MPHOSPH8: variants seen among roughly 807,000 people sequenced by gnomAD.
MPHOSPH8 encodes M-phase phosphoprotein, mpp.
MPHOSPH8 carries 45 observed loss-of-function variants against 87.3 expected under a neutral mutation model. The ratio of observed to expected loss-of-function variants is 0.52; its 90% CI spans 0.41 to 0.66. MPHOSPH8 has a LOEUF of 0.66. MPHOSPH8 is among the 30% of genes least tolerant of loss of function. The probability of loss-of-function intolerance (pLI) is 0.00; values close to 1 mark genes in which losing one functional copy is unlikely to be tolerated. For synonymous variants in MPHOSPH8, 366 were observed against 376.9 expected, an observed-to-expected ratio of 0.97 and a Z score of 0.33; for missense variants, 883 against 1,020.2, an observed-to-expected ratio of 0.87 and a Z score of 1.83.
chr13:19,653,985 C>G (rs572962720), intron 5 of MPHOSPH8, among the ~76,000 whole-genome samples: 1 of 152,280 alleles, frequency 6.6e-6, no homozygotes, highest in African/African-American at 2.4e-5. Flanking sequence ...AAACACTCTT[C>G]AAAGTATTAT....
rs1025219963 is a variant in MPHOSPH8 at position 19,660,810 on chromosome 13, G to A, written c.1792-888G>A. On this transcript the variant is annotated intron_variant, in intron 7 of 13. Coordinates refer to ENST00000361479, the MANE Select transcript of MPHOSPH8 (RefSeq NM_017520.4). ...GTACACATAAGTGTGTGTAACTCCAGTCATTTAATGAAATTCTTATAGTTT... is the reference window on the plus strand; with the variant it reads ...GTACACATAAGTGTGTGTAACTCCAATCATTTAATGAAATTCTTATAGTTT... 12 of 436,794 alleles carry A rather than the reference G, an allele frequency of 2.7e-5. No homozygotes were observed. The Admixed American group carries it at 6.4e-4, about 23-fold the overall frequency. 27.1% of individuals were successfully genotyped at this position (436,794 alleles called of 1,614,324 possible).
intron 10 of MPHOSPH8, among the ~76,000 whole-genome samples, chr13:19,667,489 T>C (rs1361460917): frequency 2.0e-5 from 3 of 152,226 alleles, no homozygotes; most frequent in Non-Finnish European, 4.4e-5. Flanking sequence ...ATAGTTTCAC[T>C]GCCTTAAAAA....
intron 12 of MPHOSPH8, 128 bp downstream of exon 12, chr13:19,670,491 G>T: frequency 8.8e-7 from 1 of 1,133,102 alleles, no homozygotes. Context: ...AATAGTGGTT[G>T]GGAATGAGGC....
intron 1 of MPHOSPH8, among the ~76,000 whole-genome samples, chr13:19,638,654 T>G (rs1192729042): frequency 6.6e-6 from 1 of 152,056 alleles, no homozygotes; most frequent in Non-Finnish European, 1.5e-5. Context: ...TTTTCTGATA[T>G]TTCTTGAGTT....
intron 9 of MPHOSPH8, among the ~76,000 whole-genome samples, chr13:19,663,718 C>A (rs2137537376): frequency 6.6e-6 from 1 of 152,268 alleles, no homozygotes; most frequent in South Asian, 2.1e-4. Context: ...GTTCCTGGCC[C>A]AGGATGCTGT....
chr13:19,664,514 G>T (rs150886961), intron 9 of MPHOSPH8, among the ~76,000 whole-genome samples: 298 of 152,284 alleles, frequency 2.0e-3, no homozygotes, highest in African/African-American at 6.8e-3. Flanking sequence ...GGATTAGAGG[G>T]TTTTCATTTG....
At chr13:19,664,930 T>C (rs1875733197) in intron 9 of MPHOSPH8, among the ~76,000 whole-genome samples, 1 of 151,874 alleles carries the variant, frequency 6.6e-6, no homozygotes, top group East Asian at 1.9e-4. Context: ...AAAAGGGCCA[T>C]AGATGGAAAG....
At chr13:19,663,018 T>G in intron 8 of MPHOSPH8, 22 bp from the exon 9 acceptor site, 1 of 1,561,052 alleles carries the variant, frequency 6.4e-7, no homozygotes, top group Non-Finnish European at 8.8e-7. Flanking sequence ...GAAATTAAAT[T>G]TGCCTTTTTT....
At position 19,633,868 on chromosome 13, in the gene MPHOSPH8, A is replaced by G. The variant is rs1873845420; in HGVS notation, c.120A>G (p.Ala40=). 6.2e-7 allele frequency: 1 copy of G among 1,611,426 alleles called. No homozygotes were observed. ...GVGVVGEDND[A]AARGAEAFGD... ...GAGTAGTGGGCGAAGATAATGACGC[A>G]GCCGCGAGAGGAGCGGAGGCCTTTG... Residue 40 remains alanine, a synonymous_variant, in exon 1 of 14, where the codon GCA becomes GCG. Coordinates refer to ENST00000361479, the MANE Select transcript of MPHOSPH8 (RefSeq NM_017520.4).
intron 8 of MPHOSPH8, among the ~76,000 whole-genome samples, chr13:19,662,099 C>T (rs887406602): frequency 1.8e-4 from 27 of 151,888 alleles, no homozygotes; most frequent in African/African-American, 5.6e-4. Flanking sequence ...CCACCACACC[C>T]GGCTAATTTC....
chr13:19,668,261 A>G, intron 10 of MPHOSPH8, 116 bp from the exon 11 acceptor site: 1 of 821,264 alleles, frequency 1.2e-6, no homozygotes, highest in African/African-American at 1.7e-5. Flanking sequence ...AAGCGGAGGC[A>G]GGCAGAGCTG....
chr13:19,647,282 A>C lies in MPHOSPH8; in HGVS notation c.1209A>C (p.Ser403=), dbSNP rs1459776532. The C allele has an allele frequency of 6.3e-7, 1 of 1,597,180 alleles. No homozygotes were observed. Among genetic ancestry groups the C allele is most frequent in the Non-Finnish European group, 8.5e-7 (1 of 1,175,114 alleles). ...GEERGLWSTD[S]AEEDKETKRN... is the part of the protein sequence containing the mutation. ...AGAGAGGCCTCTGGTCCACGGACTC[A>C]GCCGAGGAGGTAAGGGCCACGGGAG... Residue 403 remains serine, a synonymous_variant, in exon 3 of 14, where the codon TCA becomes TCC. Transcript: ENST00000361479.
chr13:19,634,913 T>C (rs1422979422), intron 1 of MPHOSPH8, among the ~76,000 whole-genome samples: 1 of 152,224 alleles, frequency 6.6e-6, no homozygotes, highest in African/African-American at 2.4e-5. Context: ...CTGCCTTGTG[T>C]CAATTTTTTG....
At chr13:19,646,108 T>C (rs1874549237) in intron 2 of MPHOSPH8, among the ~76,000 whole-genome samples, 1 of 151,990 alleles carries the variant, frequency 6.6e-6, no homozygotes, top group Admixed American at 6.5e-5. Context: ...TCTGTAAAAA[T>C]TACTTTCTTG....
chr13:19,656,972 A>G lies in MPHOSPH8; in HGVS notation c.1577-2023A>G, dbSNP rs564781965. Reference sequence around the variant, plus strand: ...CCCCGTCTCTACTAAAAATACAAAAATTAGCCAGTTGTGGTGGCATACGCC... The same window carrying G: ...CCCCGTCTCTACTAAAAATACAAAAGTTAGCCAGTTGTGGTGGCATACGCC... On this transcript the variant is annotated intron_variant, in intron 5 of 13. Transcript: ENST00000361479. Among the ~76,000 whole-genome samples, 3 of 150,778 alleles carry G rather than the reference A, an allele frequency of 2.0e-5. No homozygotes were observed. In the East Asian group the frequency reaches 5.9e-4, roughly 30 times the overall value.
At chr13:19,664,892 G>C (rs1457785718) in intron 9 of MPHOSPH8, among the ~76,000 whole-genome samples, 2 of 152,074 alleles carry the variant, frequency 1.3e-5, no homozygotes, top group Non-Finnish European at 2.9e-5. Context: ...GTTGAGAGTG[G>C]GGTCATCCAT....
intron 1 of MPHOSPH8, 102 bp downstream of exon 1, chr13:19,634,063 G>A: frequency 3.3e-6 from 4 of 1,226,870 alleles, no homozygotes; most frequent in Non-Finnish European, 4.7e-6. Flanking sequence ...ACAGGAGCGG[G>A]GGAGGAATGT....
chr13:19,671,109 A>G, intron 12 of MPHOSPH8, 97 bp from the exon 13 acceptor site: 28 of 1,503,666 alleles, frequency 1.9e-5, no homozygotes, highest in Non-Finnish European at 2.2e-5. Flanking sequence ...GAAATAAAAA[A>G]TAAAACTTAT....
intron 3 of MPHOSPH8, 99 bp from the exon 4 acceptor site, chr13:19,648,323 G>T: frequency 1.5e-6 from 1 of 680,504 alleles, no homozygotes; most frequent in South Asian, 1.9e-5. Flanking sequence ...ATACAAGGGT[G>T]ATTCCCTGAA....
Sources: gnomAD v4.1 joint callset for allele counts (sites outside exome capture counted in the v4.1 genomes callset) on GRCh38, gnomAD v4.1.1 for gene constraint, MANE v1.5 for transcripts, NCBI Gene and HGNC (gene_info 2026-07-23, HGNC 2026-07-21) for gene names.